EPB41L4A: variants seen among roughly 807,000 people sequenced by gnomAD.
EPB41L4A encodes erythrocyte membrane protein band 4.1 like 4A.
A neutral mutation model predicts 108.6 loss-of-function variants in EPB41L4A; 100 were observed. That is an observed-to-expected ratio of 0.92 (90% CI 0.78 to 1.09). EPB41L4A has a LOEUF of 1.09. Ranked by LOEUF, EPB41L4A falls within the 50% of genes least tolerant of loss-of-function variation. EPB41L4A has a pLI of 0.00. For missense variants in EPB41L4A, 1,030 were observed against 842.7 expected (o/e 1.22, Z -2.75); for synonymous variants, 319 against 289.0 (o/e 1.10, Z -1.05).
intron 1 of EPB41L4A, among the ~76,000 whole-genome samples, chr5:112,404,213 T>G (rs989808294): frequency 6.6e-6 from 1 of 152,264 alleles, no homozygotes; most frequent in Non-Finnish European, 1.5e-5. Flanking sequence ...TATATAATAA[T>G]GGCAGCTAAC....
At chr5:112,366,024 C>G (rs1759101099) in intron 1 of EPB41L4A, among the ~76,000 whole-genome samples, 1 of 152,144 alleles carries the variant, frequency 6.6e-6, no homozygotes, top group African/African-American at 2.4e-5. Context: ...AATATCAGTA[C>G]TACAGAGACT....
intron 1 of EPB41L4A, among the ~76,000 whole-genome samples, chr5:112,356,834 T>A (rs544382879): frequency 2.0e-5 from 3 of 152,340 alleles, no homozygotes; most frequent in Admixed American, 2.0e-4. Flanking sequence ...TTTCTGGGGA[T>A]GCAGTGGTCT....
chr5:112,314,524 A>T (rs907584587), intron 1 of EPB41L4A, among the ~76,000 whole-genome samples: 2 of 131,980 alleles, frequency 1.5e-5, no homozygotes, highest in African/African-American at 5.3e-5. Context: ...AAAAAAAAAA[A>T]AAAAAAAAAA....
chr5:112,369,409 T>C (rs948789078), intron 1 of EPB41L4A, among the ~76,000 whole-genome samples: 2 of 152,204 alleles, frequency 1.3e-5, no homozygotes, highest in Non-Finnish European at 2.9e-5. Flanking sequence ...TCTTTATCAC[T>C]AGCCTAGTTA....
intron 1 of EPB41L4A, among the ~76,000 whole-genome samples, chr5:112,370,191 ATTT>A (rs77297021): frequency 7.3e-6 from 1 of 136,942 alleles, no homozygotes; most frequent in Non-Finnish European, 1.6e-5. Context: ...AGCCTGTCTA[ATTT>A]TTTTTTTTTT....
intron 1 of EPB41L4A, among the ~76,000 whole-genome samples, chr5:112,364,434 T>C (rs1758990102): frequency 6.6e-6 from 1 of 152,140 alleles, no homozygotes; most frequent in African/African-American, 2.4e-5. Flanking sequence ...GGAATTGCTG[T>C]GAGTATTAAT....
At chr5:112,309,931 T>G (rs1411756297) in intron 1 of EPB41L4A, among the ~76,000 whole-genome samples, 2 of 152,178 alleles carry the variant, frequency 1.3e-5, no homozygotes, top group African/African-American at 2.4e-5. Context: ...GATGGGAACC[T>G]CAGTCCTACA....
rs746825245 is a variant in EPB41L4A at position 112,396,737 on chromosome 5, CAGACAGACAG to C, written c.99+22194_99+22203del. 5.3e-5 allele frequency among the ~76,000 whole-genome samples: 8 copies of C among 152,244 alleles called. No homozygotes were observed. The East Asian group carries it at 9.7e-4, about 18-fold the overall frequency. On this transcript the variant is annotated intron_variant, in intron 1 of 22. Coordinates refer to ENST00000261486, the MANE Select transcript of EPB41L4A (RefSeq NM_022140.5). ...CAAGGTGATGAGAGAGAGAGAGAAA[CAGACAGACAG>C]AGACAGACAGAGACACCACCGTGCC...
At chr5:112,405,928 T>C (rs774393120) in intron 1 of EPB41L4A, among the ~76,000 whole-genome samples, 50 of 152,224 alleles carry the variant, frequency 3.3e-4, no homozygotes, top group Admixed American at 3.3e-4. Flanking sequence ...TCCTGGATGC[T>C]ACTAGGTACA....
chr5:112,396,768 G>A (rs544591442), intron 1 of EPB41L4A, among the ~76,000 whole-genome samples: 31 of 152,278 alleles, frequency 2.0e-4, no homozygotes, highest in East Asian at 7.7e-4. Context: ...AGACACCACC[G>A]TGCCTTGTAT....
intron 9 of EPB41L4A, among the ~76,000 whole-genome samples, chr5:112,243,068 G>T (rs1035121793): frequency 6.6e-6 from 1 of 151,948 alleles, no homozygotes; most frequent in African/African-American, 2.4e-5. Flanking sequence ...ACAGAAATTA[G>T]CTGGGCATGG....
intron 1 of EPB41L4A, among the ~76,000 whole-genome samples, chr5:112,394,661 C>A (rs1381020137): frequency 4.6e-5 from 7 of 152,228 alleles, no homozygotes; most frequent in Non-Finnish European, 8.8e-5. Context: ...AATGGCCATA[C>A]TGTCCAAGGT....
chr5:112,173,891 C>G (rs1339890317), intron 18 of EPB41L4A, among the ~76,000 whole-genome samples: 1 of 152,130 alleles, frequency 6.6e-6, no homozygotes, highest in East Asian at 1.9e-4. Context: ...ATCTGCCCAC[C>G]TCAGCCTCCC....
intron 1 of EPB41L4A, among the ~76,000 whole-genome samples, chr5:112,359,697 C>G (rs1314368812): frequency 6.6e-6 from 1 of 152,064 alleles, no homozygotes; most frequent in Non-Finnish European, 1.5e-5. Flanking sequence ...CCTGCCACCA[C>G]GCCCAGCTAA....
intron 9 of EPB41L4A, among the ~76,000 whole-genome samples, chr5:112,250,251 GATGA>G (rs1280415711): frequency 6.6e-6 from 1 of 152,134 alleles, no homozygotes; most frequent in Non-Finnish European, 1.5e-5. Flanking sequence ...CCATTTTAAG[GATGA>G]ATAAGTTGAT....
chr5:112,189,902 T>C (rs1486806408), intron 17 of EPB41L4A, among the ~76,000 whole-genome samples: 1 of 152,204 alleles, frequency 6.6e-6, no homozygotes, highest in Non-Finnish European at 1.5e-5. Context: ...GCTTAAGACA[T>C]ATCCAGGTAA....
At chr5:112,239,481 T>C (rs918058543) in intron 11 of EPB41L4A, 179 bp downstream of exon 11, 6 of 424,556 alleles carry the variant, frequency 1.4e-5, no homozygotes, top group Admixed American at 4.4e-5. Context: ...CTAAATATAA[T>C]TAAATCTGGA....
rs540717027 is a variant in EPB41L4A at position 112,214,212 on chromosome 5, T to C, written c.1088-4230A>G. 4.3e-4 allele frequency among the ~76,000 whole-genome samples: 65 copies of C among 152,316 alleles called. 1 individual carries two copies. In the South Asian group the frequency reaches 0.013, roughly 31 times the overall value. ...TCCATCCCACTAATGGGCTTATGTC[T>C]TCATGTATTATGTACCACAGAACAG... is the stretch of plus-strand genomic sequence containing the variant. On this transcript the variant is annotated intron_variant, in intron 12 of 22. Transcript: ENST00000261486.
intron 1 of EPB41L4A, among the ~76,000 whole-genome samples, chr5:112,418,024 A>G (rs1762809260): frequency 6.6e-6 from 1 of 151,942 alleles, no homozygotes; most frequent in Non-Finnish European, 1.5e-5. Context: ...GATTTCTCAG[A>G]AAGCCAGCTC....
Sources: allele counts gnomAD v4.1 joint callset (sites outside exome capture counted in the v4.1 genomes callset), GRCh38; gene constraint gnomAD v4.1.1; transcripts MANE v1.5; gene names NCBI Gene and HGNC (gene_info 2026-07-23, HGNC 2026-07-21).